The following KCNQ4 variants were observed in gnomAD, a reference collection of about 807,000 sequenced individuals.
The protein encoded by KCNQ4 is potassium voltage-gated channel subfamily Q member 4.
Under a neutral mutation model 72.6 loss-of-function variants are expected in KCNQ4, and 31 were observed. That is an observed-to-expected ratio of 0.43 (90% CI 0.32 to 0.58). The LOEUF (loss-of-function observed/expected upper bound fraction) is 0.58, where lower values mean the gene tolerates loss of function less well. KCNQ4 is among the 20% of genes least tolerant of loss of function. The probability of loss-of-function intolerance (pLI) is 0.08; values close to 1 mark genes in which losing one functional copy is unlikely to be tolerated. For missense variants in KCNQ4, 869 were observed against 962.6 expected (o/e 0.90, Z 1.29); for synonymous variants, 405 against 403.7 (o/e 1.00, Z -0.04).
At chr1:40,792,808 C>T (rs760968443) in intron 1 of KCNQ4, among the ~76,000 whole-genome samples, 21 of 152,050 alleles carry the variant, frequency 1.4e-4, no homozygotes, top group African/African-American at 3.4e-4. Context: ...AAAATACATT[C>T]GCCCTATTTT....
chr1:40,837,008 TA>T (rs1648821046), intron 12 of KCNQ4, among the ~76,000 whole-genome samples: 1 of 152,054 alleles, frequency 6.6e-6, no homozygotes, highest in Non-Finnish European at 1.5e-5. Flanking sequence ...CCACCCACCT[TA>T]AAAGTCACAT....
chr1:40,833,723 G>A (rs1013532974), intron 11 of KCNQ4, among the ~76,000 whole-genome samples: 5 of 151,756 alleles, frequency 3.3e-5, no homozygotes, highest in African/African-American at 1.2e-4. Context: ...CAGGCTGGGC[G>A]TGGTGGCTCA....
intron 1 of KCNQ4, among the ~76,000 whole-genome samples, chr1:40,789,343 C>T (rs2148833145): frequency 6.6e-6 from 1 of 152,290 alleles, no homozygotes; most frequent in South Asian, 2.1e-4. Context: ...TTTTGTCTCC[C>T]AGATCAGGAC....
rs531227002 is a variant in KCNQ4, at chr1:40,792,894, G to T, written c.314+8487G>T. The stretch of plus-strand genomic sequence containing the variant: ...ACATAGCTGACAGGTGGTAGAGGCA[G>T]GATTTGAACCTAGCATGTGCATCTC... On this transcript the variant is annotated intron_variant, in intron 1 of 13. Transcript: ENST00000347132. Among the ~76,000 whole-genome samples the T allele has an allele frequency of 2.7e-4, 41 of 152,138 alleles. No individual in the cohort carries two copies. In the South Asian group the frequency reaches 8.3e-3, roughly 31 times the overall value.
chr1:40,829,071 T>C (rs1470483293), intron 9 of KCNQ4, among the ~76,000 whole-genome samples: 2 of 152,226 alleles, frequency 1.3e-5, no homozygotes, highest in African/African-American at 4.8e-5. Flanking sequence ...CATTACTTCT[T>C]TTGACAGGGA....
chr1:40,828,956 C>T (rs889134691), intron 9 of KCNQ4, among the ~76,000 whole-genome samples: 1 of 152,216 alleles, frequency 6.6e-6, no homozygotes, highest in Non-Finnish European at 1.5e-5. Flanking sequence ...GCTTCCTCAA[C>T]CATCACAGAA....
chr1:40,836,378 C>T (rs1376200366), intron 12 of KCNQ4, among the ~76,000 whole-genome samples: 1 of 152,174 alleles, frequency 6.6e-6, no homozygotes, highest in East Asian at 1.9e-4. Flanking sequence ...GAGCAAGTTT[C>T]GGTCAGGAGA....
Position 40,818,734 on chromosome 1 carries a change from A to G in KCNQ4, c.708+54A>G, listed in dbSNP as rs2361659. On this transcript the variant is annotated intron_variant, in intron 4 of 13. Transcript: ENST00000347132. ...CCGAGGGCGTGTCTGGGGCACGACC[A>G]GAGCGGGCAGGGCGGAGAGGGCGAG... 0.69 allele frequency: 1,066,533 copies of G among 1,537,930 alleles called. 374,208 individuals are homozygous for G. The highest frequency in any genetic ancestry group is 0.73 in the Non-Finnish European group (829,433 of 1,142,648).
At chr1:40,796,060 C>T (rs899197495) in intron 1 of KCNQ4, among the ~76,000 whole-genome samples, 7 of 152,048 alleles carry the variant, frequency 4.6e-5, no homozygotes, top group African/African-American at 9.7e-5. Flanking sequence ...CCCAAGAGGA[C>T]GGGAGTTTTC....
chr1:40,819,821 A>G lies in KCNQ4; in HGVS notation c.835-54A>G, dbSNP rs577571736. ...CTCCTACCTGCCTGTACCCCCAACA[A>G]GCCGTAGGTGGCCCCCGTGACCAGT... On this transcript the variant is annotated intron_variant, in intron 5 of 13. Coordinates refer to ENST00000347132, the MANE Select transcript of KCNQ4 (RefSeq NM_004700.4). The G allele has an allele frequency of 1.7e-5, 24 of 1,397,078 alleles. No homozygotes were observed. In the East Asian group the frequency reaches 5.0e-4, roughly 29 times the overall value. 86.5% of individuals were successfully genotyped at this position (1,397,078 alleles called of 1,614,324 possible).
At position 40,799,579 on chromosome 1, in the gene KCNQ4, G is replaced by T. The variant is rs548941955; in HGVS notation, c.314+15172G>T. Among the ~76,000 whole-genome samples the T allele has an allele frequency of 4.1e-3, 626 of 152,322 alleles. 2 individuals carry two copies. Among genetic ancestry groups the T allele is most frequent in the African/African-American group, 0.015 (608 of 41,570 alleles). ...ACTCCTGAGCTGGGCTACCTGAGTTGAGGGTCCAGCCCCCGGTCATGGCAG... is the reference window on the plus strand; with the variant it reads ...ACTCCTGAGCTGGGCTACCTGAGTTTAGGGTCCAGCCCCCGGTCATGGCAG... On this transcript the variant is annotated intron_variant, in intron 1 of 13. Transcript: ENST00000347132.
chr1:40,817,136 A>G lies in KCNQ4; in HGVS notation c.315-129A>G. On this transcript the variant is annotated intron_variant, in intron 1 of 13. Coordinates refer to ENST00000347132, the MANE Select transcript of KCNQ4 (RefSeq NM_004700.4). The surrounding 1 kb of genome is among the most constrained non-coding windows in gnomAD (Gnocchi z 5.5). ...AGAGCTGTAACTCCAGGGAATTCCA[A>G]TTCTGATTTCCACATAATTTTCTGA... 1 of 777,002 alleles carries G rather than the reference A, an allele frequency of 1.3e-6. No individual in the cohort carries two copies. The highest frequency in any genetic ancestry group is 2.2e-6 in the Non-Finnish European group (1 of 450,614). The allele number at this position is 777,002 out of a possible 1,614,324, so 48.1% of individuals were successfully genotyped here. A position where few individuals can be genotyped will look rare whatever the true frequency, so the allele number is the denominator to read the frequency against.
In KCNQ4 at chr1:40,818,149, C is replaced by A. The variant is rs769043523; in HGVS notation, c.406-15C>A. On this transcript the variant is annotated splice_polypyrimidine_tract_variant and intron_variant, in intron 2 of 13. Coordinates refer to ENST00000347132, the MANE Select transcript of KCNQ4 (RefSeq NM_004700.4). ...TGGAGACTGAGGACCAGAACTCAGG[C>A]CCCTGGTCCCACAGGAATTCGTGAT... The A allele has an allele frequency of 4.3e-6, 7 of 1,613,742 alleles. No homozygotes were observed. The highest frequency in any genetic ancestry group is 5.9e-6 in the Non-Finnish European group (7 of 1,179,966).
intron 1 of KCNQ4, among the ~76,000 whole-genome samples, chr1:40,808,380 T>C (rs1021737101): frequency 6.6e-6 from 1 of 152,216 alleles, no homozygotes; most frequent in Admixed American, 6.5e-5. Flanking sequence ...ATGCATGTGT[T>C]GAGTGCCTGT....
intron 11 of KCNQ4, 21 bp from the exon 12 acceptor site, chr1:40,834,946 C>T: frequency 6.2e-7 from 1 of 1,612,482 alleles, no homozygotes; most frequent in Non-Finnish European, 8.5e-7. Context: ...GACACTCCCT[C>T]TGAGCCCCCT....
chr1:40,838,197 C>T (rs1648864110), intron 13 of KCNQ4, 114 bp from the exon 14 acceptor site: 2 of 904,720 alleles, frequency 2.2e-6, no homozygotes, highest in Admixed American at 3.9e-5. Flanking sequence ...TTGTGCTTCC[C>T]AGATAAGCCC....
chr1:40,818,794 T>C, intron 4 of KCNQ4, 114 bp downstream of exon 4: 1 of 1,198,994 alleles, frequency 8.3e-7, no homozygotes, highest in Non-Finnish European at 1.2e-6. Context: ...GGAAGGGGTG[T>C]GGCCTGCGGG....
At position 40,831,314 on chromosome 1, in the gene KCNQ4, C is replaced by T. The variant is rs766234239; in HGVS notation, c.1513+10C>T. Reference sequence around the variant, plus strand: ...CGCACCTCTGCTGAGGGTAAGCCCCCGGGGGGCTGAGTCCGATCGAGGGCC... The same window carrying T: ...CGCACCTCTGCTGAGGGTAAGCCCCTGGGGGGCTGAGTCCGATCGAGGGCC... On this transcript the variant is annotated intron_variant, in intron 10 of 13. Transcript: ENST00000347132. The T allele has an allele frequency of 1.8e-5, 28 of 1,579,822 alleles. No individual in the cohort carries two copies. In the Admixed American group the frequency reaches 3.3e-4, roughly 19 times the overall value.
intron 1 of KCNQ4, among the ~76,000 whole-genome samples, chr1:40,805,544 G>A (rs974543578): frequency 2.0e-5 from 3 of 152,258 alleles, no homozygotes; most frequent in Admixed American, 6.5e-5. Context: ...CTCTGGAGGT[G>A]GGATGGGGGT....
Sources: gnomAD v4.1 joint callset for allele counts (sites outside exome capture counted in the v4.1 genomes callset) on GRCh38, gnomAD v4.1.1 for gene constraint, Gnocchi (gnomAD v3.1) non-coding constraint, MANE v1.5 for transcripts, NCBI Gene and HGNC (gene_info 2026-07-23, HGNC 2026-07-21) for gene names.